Variants in PIK3CB observed in about 807,000 individuals in gnomAD.
PIK3CB encodes the protein phosphatidylinositol-4,5-bisphosphate 3-kinase catalytic subunit beta, also known as phosphatidylinositol 4,5-bisphosphate 3-kinase catalytic subunit beta isoform.
PIK3CB carries 39 observed loss-of-function variants against 136.8 expected under a neutral mutation model. The observed-to-expected ratio is 0.29, with a 90% CI of 0.22 to 0.37. The LOEUF (loss-of-function observed/expected upper bound fraction) is 0.37, where lower values mean the gene tolerates loss of function less well. Ranked by LOEUF, PIK3CB falls within the 10% of genes least tolerant of loss-of-function variation. The probability of loss-of-function intolerance (pLI) is 1.00; values close to 1 mark genes in which losing one functional copy is unlikely to be tolerated. For missense variants in PIK3CB, 868 were observed against 1,275.4 expected (o/e 0.68, Z 4.87); for synonymous variants, 428 against 436.6 (o/e 0.98, Z 0.25).
chr3:138,826,743 C>T (rs1933803180), intron 1 of PIK3CB, among the ~76,000 whole-genome samples: 1 of 152,010 alleles, frequency 6.6e-6, no homozygotes, highest in South Asian at 2.1e-4. Flanking sequence ...ATGGGAGGGT[C>T]TCAGATTCAA....
At chr3:138,741,361 G>A (rs500687) in intron 5 of PIK3CB, among the ~76,000 whole-genome samples, 88,718 of 152,066 alleles carry the variant, frequency 0.58, 26,681 homozygotes, top group East Asian at 0.98. Context: ...AGACAACAAC[G>A]CTTGTAAGGT....
At chr3:138,810,980 T>C (rs1279068004) in intron 1 of PIK3CB, among the ~76,000 whole-genome samples, 1 of 151,816 alleles carries the variant, frequency 6.6e-6, no homozygotes, top group African/African-American at 2.4e-5. Context: ...ATAATCCCAG[T>C]ACTCTTGGGA....
At chr3:138,734,099 G>A (rs2045049897) in intron 7 of PIK3CB, among the ~76,000 whole-genome samples, 1 of 152,116 alleles carries the variant, frequency 6.6e-6, no homozygotes, top group South Asian at 2.1e-4. Flanking sequence ...TGACGACTGA[G>A]TAACTGACTA....
intron 2 of PIK3CB, among the ~76,000 whole-genome samples, chr3:138,785,113 G>A (rs964870333): frequency 1.3e-5 from 2 of 151,348 alleles, no homozygotes; most frequent in South Asian, 2.1e-4. Context: ...GGCAGCCCCC[G>A]CTCGGCCAGC....
At chr3:138,778,987 C>T (rs1375722456) in intron 2 of PIK3CB, among the ~76,000 whole-genome samples, 3 of 150,490 alleles carry the variant, frequency 2.0e-5, no homozygotes, top group Non-Finnish European at 2.9e-5. Flanking sequence ...TTGTAGTGCA[C>T]CATCAATAAA....
At chr3:138,683,351 CAAA>C (rs1011302197) in intron 18 of PIK3CB, among the ~76,000 whole-genome samples, 8 of 65,138 alleles carry the variant, frequency 1.2e-4, no homozygotes, top group Admixed American at 1.8e-4. Context: ...GACCCTGTCT[CAAA>C]AAAAAAAAAA....
chr3:138,794,713 T>C (rs781642012), intron 2 of PIK3CB, among the ~76,000 whole-genome samples: 5 of 152,174 alleles, frequency 3.3e-5, no homozygotes, highest in Non-Finnish European at 4.4e-5. Context: ...GGAGTTGATA[T>C]GCTAATGAGG....
chr3:138,705,190 C>A (rs6148090), intron 11 of PIK3CB, among the ~76,000 whole-genome samples: 16,158 of 49,144 alleles, frequency 0.33, 3,462 homozygotes, highest in East Asian at 0.86. Context: ...ACAAAACAAA[C>A]AAAAAAAAAA....
intron 19 of PIK3CB, among the ~76,000 whole-genome samples, chr3:138,671,495 T>C (rs1451677787): frequency 6.6e-6 from 1 of 151,882 alleles, no homozygotes; most frequent in Non-Finnish European, 1.5e-5. Flanking sequence ...TAAATAGGTG[T>C]GGTTAAAAAA....
chr3:138,733,750 C>T (rs955685873), intron 7 of PIK3CB, among the ~76,000 whole-genome samples: 96 of 152,066 alleles, frequency 6.3e-4, no homozygotes, highest in African/African-American at 2.0e-3. Flanking sequence ...TGGTGGCGGG[C>T]GCCTGTAGTC....
intron 22 of PIK3CB, 79 bp downstream of exon 22, chr3:138,657,611 C>T (rs2108391416): frequency 1.6e-6 from 2 of 1,244,206 alleles, no homozygotes; most frequent in Non-Finnish European, 2.3e-6. Context: ...AAATATATCT[C>T]AGCTAAGAAA....
intron 14 of PIK3CB, among the ~76,000 whole-genome samples, chr3:138,692,035 T>C (rs1180347286): frequency 5.9e-5 from 9 of 152,200 alleles, no homozygotes; most frequent in East Asian, 5.8e-4. Context: ...GAATTGATCA[T>C]TGAAATAATA....
intron 8 of PIK3CB, among the ~76,000 whole-genome samples, chr3:138,722,257 CGT>C (rs1255668452): frequency 1.4e-5 from 2 of 142,306 alleles, no homozygotes; most frequent in African/African-American, 2.6e-5. Context: ...CACACACACA[CGT>C]GTGTAGGCTC....
intron 21 of PIK3CB, among the ~76,000 whole-genome samples, chr3:138,658,181 G>A (rs2043223986): frequency 6.6e-6 from 1 of 152,170 alleles, no homozygotes; most frequent in Non-Finnish European, 1.5e-5. Flanking sequence ...GGTTGTGGTG[G>A]CTCATGTCTG....
intron 2 of PIK3CB, among the ~76,000 whole-genome samples, chr3:138,774,079 G>A (rs547767539): frequency 2.6e-5 from 4 of 152,224 alleles, no homozygotes; most frequent in Non-Finnish European, 5.9e-5. Flanking sequence ...CATTACAGGA[G>A]AGCATTTTCT....
chr3:138,752,453 T>A (rs1163522655), intron 4 of PIK3CB, among the ~76,000 whole-genome samples: 1 of 152,232 alleles, frequency 6.6e-6, no homozygotes, highest in Non-Finnish European at 1.5e-5. Flanking sequence ...ACTTCTCAAG[T>A]ATTAAAAGTG....
intron 19 of PIK3CB, among the ~76,000 whole-genome samples, chr3:138,678,361 C>T (rs1291835271): frequency 6.6e-6 from 1 of 151,612 alleles, no homozygotes; most frequent in Admixed American, 6.6e-5. Context: ...GAGACTCTAT[C>T]TCTAAAAAAA....
intron 19 of PIK3CB, among the ~76,000 whole-genome samples, chr3:138,667,257 G>A (rs1381107211): frequency 1.3e-5 from 2 of 151,032 alleles, no homozygotes; most frequent in Non-Finnish European, 2.9e-5. Flanking sequence ...AATGACAGCA[G>A]GGCTGGAGGA....
chr3:138,688,155 C>T (rs905789136), intron 16 of PIK3CB, among the ~76,000 whole-genome samples: 8 of 152,020 alleles, frequency 5.3e-5, no homozygotes, highest in Non-Finnish European at 8.8e-5. Context: ...TCTGGCAATG[C>T]AAATGAATTA....
Sources: allele counts gnomAD v4.1 joint callset (sites outside exome capture counted in the v4.1 genomes callset), GRCh38; gene constraint gnomAD v4.1.1; transcripts MANE v1.5; gene names NCBI Gene and HGNC (gene_info 2026-07-23, HGNC 2026-07-21).